TAFA5: variants seen among roughly 807,000 people sequenced by gnomAD.
TAFA5 encodes chemokine-like protein TAFA-5.
TAFA5 carries 6 observed loss-of-function variants against 15.3 expected under a neutral mutation model. The observed-to-expected ratio is 0.39, with a 90% CI of 0.21 to 0.77. TAFA5 has a LOEUF of 0.77. TAFA5 is among the 30% of genes least tolerant of loss of function. TAFA5 has a pLI of 0.41. For synonymous variants in TAFA5, 103 were observed against 80.7 expected, an observed-to-expected ratio of 1.28 and a Z score of -1.48; for missense variants, 161 against 193.1, an observed-to-expected ratio of 0.83 and a Z score of 0.98.
chr22:48,591,701 C>G (rs936932167), intron 1 of TAFA5, among the ~76,000 whole-genome samples: 2 of 150,764 alleles, frequency 1.3e-5, no homozygotes, highest in African/African-American at 4.9e-5. Context: ...TGACCCTGAG[C>G]TGGCCTGAGG....
chr22:48,653,317 G>A (rs995279569), intron 2 of TAFA5, among the ~76,000 whole-genome samples: 7 of 152,216 alleles, frequency 4.6e-5, no homozygotes, highest in Non-Finnish European at 7.3e-5. Context: ...TGAGGAAGAT[G>A]GTGGGAAGAG....
chr22:48,616,096 C>T (rs952281293), intron 1 of TAFA5, among the ~76,000 whole-genome samples: 5 of 151,992 alleles, frequency 3.3e-5, no homozygotes, highest in African/African-American at 9.7e-5. Context: ...TTCTCTGGGA[C>T]CCTGGAGCTG....
chr22:48,526,685 T>C (rs549691454), intron 1 of TAFA5, among the ~76,000 whole-genome samples: 1 of 152,236 alleles, frequency 6.6e-6, no homozygotes, highest in Non-Finnish European at 1.5e-5. Context: ...GCTGCCATTA[T>C]GTATCTCGGA....
At chr22:48,697,961 GTGA>G (rs1431891016) in intron 2 of TAFA5, among the ~76,000 whole-genome samples, 3 of 149,658 alleles carry the variant, frequency 2.0e-5, no homozygotes, top group Non-Finnish European at 4.4e-5. Flanking sequence ...GATGATGATG[GTGA>G]TGATGGTCCT....
chr22:48,520,555 G>A (rs1921568538), intron 1 of TAFA5, among the ~76,000 whole-genome samples: 1 of 152,228 alleles, frequency 6.6e-6, no homozygotes, highest in Non-Finnish European at 1.5e-5. Context: ...TGCCTTTGTT[G>A]GGGATGGAGA....
At chr22:48,655,303 G>C (rs1927196316) in intron 2 of TAFA5, among the ~76,000 whole-genome samples, 1 of 152,234 alleles carries the variant, frequency 6.6e-6, no homozygotes, top group African/African-American at 2.4e-5. Context: ...TTAGAAAAGT[G>C]AATGTAAGTC....
At chr22:48,539,294 T>A (rs1206429982) in intron 1 of TAFA5, 7 of 464,812 alleles carry the variant, frequency 1.5e-5, no homozygotes, top group Non-Finnish European at 3.1e-5. Flanking sequence ...GGCGGACTCC[T>A]AAATTGGTTT....
chr22:48,573,861 G>A (rs916350165), intron 1 of TAFA5, among the ~76,000 whole-genome samples: 4 of 152,160 alleles, frequency 2.6e-5, no homozygotes, highest in African/African-American at 4.8e-5. Flanking sequence ...CACCTGATTG[G>A]GGACACAGTG....
intron 1 of TAFA5, among the ~76,000 whole-genome samples, chr22:48,562,709 C>T (rs961033879): frequency 2.6e-5 from 4 of 152,212 alleles, no homozygotes; most frequent in African/African-American, 9.6e-5. Flanking sequence ...CATTGACTGG[C>T]AGATGGGACA....
At chr22:48,749,129 T>G (rs1468323230) in intron 3 of TAFA5, among the ~76,000 whole-genome samples, 2 of 152,176 alleles carry the variant, frequency 1.3e-5, no homozygotes, top group Non-Finnish European at 2.9e-5. Context: ...ATCAGGACGA[T>G]GCGTCTCCCG....
At chr22:48,557,377 G>C (rs901439180) in intron 1 of TAFA5, among the ~76,000 whole-genome samples, 1 of 152,164 alleles carries the variant, frequency 6.6e-6, no homozygotes, top group African/African-American at 2.4e-5. Flanking sequence ...GCGGCGCCGG[G>C]AGGAAGCAGC....
At chr22:48,537,742 G>A (rs891039195) in intron 1 of TAFA5, among the ~76,000 whole-genome samples, 3 of 152,188 alleles carry the variant, frequency 2.0e-5, no homozygotes, top group Admixed American at 6.5e-5. Context: ...CTGTCAGAGC[G>A]CCCAGCCCAG....
At chr22:48,729,127 G>A (rs1462154667) in intron 3 of TAFA5, among the ~76,000 whole-genome samples, 1 of 151,712 alleles carries the variant, frequency 6.6e-6, no homozygotes, top group African/African-American at 2.4e-5. Flanking sequence ...TTTTCAGAGA[G>A]AAATACTTTA....
At chr22:48,612,588 G>T (rs555999037) in intron 1 of TAFA5, among the ~76,000 whole-genome samples, 33 of 151,866 alleles carry the variant, frequency 2.2e-4, no homozygotes, top group Non-Finnish European at 4.4e-4. Context: ...AGGTGCCCCC[G>T]CCCCACCTGT....
intron 2 of TAFA5, among the ~76,000 whole-genome samples, chr22:48,648,454 G>C (rs756239395): frequency 3.9e-5 from 6 of 152,200 alleles, no homozygotes; most frequent in Admixed American, 2.0e-4. Context: ...GTGGGTGCTG[G>C]TGAAGGTCCA....
At chr22:48,523,237 C>G (rs539879592) in intron 1 of TAFA5, among the ~76,000 whole-genome samples, 7 of 152,342 alleles carry the variant, frequency 4.6e-5, no homozygotes, top group African/African-American at 1.7e-4. Flanking sequence ...TGGCGCTTGG[C>G]TCCTGTGCTC....
rs186655970 is a variant in TAFA5 at position 48,608,805 on chromosome 22, G to A, written c.113-37792G>A. Among the ~76,000 whole-genome samples the A allele has an allele frequency of 3.0e-4, 46 of 152,296 alleles. No individual in the cohort carries two copies. The East Asian group carries it at 8.5e-3, about 28-fold the overall frequency. ...CTTGAAGCCACAGCTCCAGGCCTTC[G>A]TTCCAACAGAGGGCAGGCACCCGAC... On this transcript the variant is annotated intron_variant, in intron 1 of 3. Transcript: ENST00000402357.
rs1230674052 is a variant in TAFA5 at position 48,489,918 on chromosome 22, GC to G, written c.112+218del. Among the ~76,000 whole-genome samples the G allele has an allele frequency of 6.6e-6, 1 of 151,810 alleles. No homozygotes were observed. The highest frequency in any genetic ancestry group is 1.5e-5 in the Non-Finnish European group (1 of 67,910). ...GCGCTCGAGCACTTCGGGGTCGGAC[GC>G]CCCGGCCCGAGCCTCCCTTCCCTGA... On this transcript the variant is annotated intron_variant, in intron 1 of 3. Transcript: ENST00000402357. The surrounding 1 kb of genome is among the most constrained non-coding windows in gnomAD (Gnocchi z 5.5).
chr22:48,744,269 G>A (rs185701369), intron 3 of TAFA5, among the ~76,000 whole-genome samples: 94 of 152,342 alleles, frequency 6.2e-4, no homozygotes, highest in East Asian at 3.9e-4. Context: ...GTTGAGCATC[G>A]CTCTGTAGAG....
Sources: allele counts gnomAD v4.1 joint callset (sites outside exome capture counted in the v4.1 genomes callset), GRCh38; gene constraint gnomAD v4.1.1; non-coding constraint Gnocchi (gnomAD v3.1); transcripts MANE v1.5; gene names NCBI Gene and HGNC (gene_info 2026-07-23, HGNC 2026-07-21).